Variants in SHOC1 observed in about 807,000 individuals in gnomAD.
SHOC1 encodes the protein shortage in chiasmata 1, also known as protein shortage in chiasmata 1 ortholog.
In SHOC1, 136 loss-of-function variants were observed where a neutral mutation model predicts 179.2. The observed-to-expected ratio is 0.76, with a 90% confidence interval of 0.66 to 0.87. The LOEUF is 0.87. SHOC1 is among the 40% of genes least tolerant of loss of function. SHOC1 has a pLI of 0.00. For missense variants in SHOC1, 1,538 were observed against 1,700.8 expected, an observed-to-expected ratio of 0.90 and a Z score of 1.68; for synonymous variants, 489 against 586.6, an observed-to-expected ratio of 0.83 and a Z score of 2.41.
At chr9:111,713,751 T>C (rs1012575091) in intron 17 of SHOC1, among the ~76,000 whole-genome samples, 1 of 152,186 alleles carries the variant, frequency 6.6e-6, no homozygotes, top group Non-Finnish European at 1.5e-5. Flanking sequence ...TTGATAAGAT[T>C]TTAAAAAGCA....
intron 12 of SHOC1, among the ~76,000 whole-genome samples, chr9:111,734,065 C>T (rs1833711012): frequency 6.6e-6 from 1 of 152,054 alleles, no homozygotes. Context: ...GACCGCTTGG[C>T]ATGGGTTCCA....
rs559423531 is a variant in SHOC1 at position 111,726,779 on chromosome 9, A to C, written c.1834+854T>G. On this transcript the variant is annotated intron_variant, in intron 13 of 27. Transcript: ENST00000682961. ...ACTTTGATTCCTCAACAATGTTTCT[A>C]AACAGATCAAAAATGACAATAGATG... Among the ~76,000 whole-genome samples, 18 of 152,316 alleles carry C rather than the reference A, an allele frequency of 1.2e-4. No individual in the cohort carries two copies. In the South Asian group the frequency reaches 3.5e-3, roughly 30 times the overall value.
intron 21 of SHOC1, among the ~76,000 whole-genome samples, chr9:111,705,012 A>G (rs1832182959): frequency 6.6e-6 from 1 of 152,152 alleles, no homozygotes; most frequent in South Asian, 2.1e-4. Flanking sequence ...ACCCAAAAAT[A>G]TAATATTCAA....
chr9:111,779,563 C>A (rs1324343309), intron 4 of SHOC1, among the ~76,000 whole-genome samples: 2 of 152,154 alleles, frequency 1.3e-5, no homozygotes, highest in Admixed American at 6.5e-5. Flanking sequence ...TCTTTGATTG[C>A]CCAGCCCAAG....
chr9:111,760,996 T>A (rs1000902349), intron 5 of SHOC1, among the ~76,000 whole-genome samples: 49 of 151,804 alleles, frequency 3.2e-4, no homozygotes, highest in African/African-American at 1.2e-3. Context: ...AATTATATGA[T>A]ACTGACACAA....
chr9:111,774,926 T>G (rs910980715), intron 5 of SHOC1, among the ~76,000 whole-genome samples: 1 of 152,162 alleles, frequency 6.6e-6, no homozygotes, highest in Non-Finnish European at 1.5e-5. Flanking sequence ...AGTTTTTACA[T>G]GGTTGAAAGA....
chr9:111,703,742 T>C lies in SHOC1; in HGVS notation c.2967+139A>G, dbSNP rs536106822. On this transcript the variant is annotated intron_variant, in intron 22 of 27. Transcript: ENST00000682961. ...TAATAGTCATTTTCCACAGTGACGA[T>C]TTTAGCACTTGTGGCCCATTTGCAA... 439 of 475,234 alleles carry C rather than the reference T, an allele frequency of 9.2e-4. 2 individuals are homozygous for C. The highest frequency in any genetic ancestry group is 2.3e-3 in the South Asian group (50 of 21,358). 29.4% of individuals were successfully genotyped at this position (475,234 alleles called of 1,614,324 possible). A position where few individuals can be genotyped will look rare whatever the true frequency, so the allele number is the denominator to read the frequency against.
intron 20 of SHOC1, among the ~76,000 whole-genome samples, chr9:111,706,335 A>G (rs1325458950): frequency 1.3e-5 from 2 of 152,124 alleles, no homozygotes; most frequent in Non-Finnish European, 2.9e-5. Flanking sequence ...TAAAATTTAG[A>G]AGTTAGATAA....
At chr9:111,757,114 TG>T in intron 7 of SHOC1, among the ~76,000 whole-genome samples, 1 of 152,044 alleles carries the variant, frequency 6.6e-6, no homozygotes, top group East Asian at 1.9e-4. Context: ...ATGTTTTTTG[TG>T]TTTTGTTTTT....
chr9:111,697,489 G>C (rs150721557), intron 24 of SHOC1, among the ~76,000 whole-genome samples: 3,409 of 152,148 alleles, frequency 0.022, 136 homozygotes, highest in African/African-American at 0.077. Context: ...ATGGTTTCCA[G>C]CTTCATCCAT....
At chr9:111,754,149 GAAGT>G (rs1447073599) in intron 8 of SHOC1, among the ~76,000 whole-genome samples, 2 of 152,080 alleles carry the variant, frequency 1.3e-5, no homozygotes, top group African/African-American at 4.8e-5. Flanking sequence ...TTATACACCT[GAAGT>G]ATGTACAATT....
intron 12 of SHOC1, among the ~76,000 whole-genome samples, chr9:111,737,429 G>A (rs1331049327): frequency 3.3e-5 from 5 of 152,208 alleles, no homozygotes; most frequent in African/African-American, 4.8e-5. Flanking sequence ...CATTTTGGGA[G>A]GCTGAGGCGG....
At chr9:111,705,587 A>G (rs1055550751) in intron 20 of SHOC1, among the ~76,000 whole-genome samples, 1 of 152,016 alleles carries the variant, frequency 6.6e-6, no homozygotes, top group Non-Finnish European at 1.5e-5. Context: ...ACTATACACT[A>G]AAAACAGAGT....
At chr9:111,787,407 G>T (rs1836299727) in intron 2 of SHOC1, among the ~76,000 whole-genome samples, 1 of 152,212 alleles carries the variant, frequency 6.6e-6, no homozygotes, top group Non-Finnish European at 1.5e-5. Flanking sequence ...ATGAACAGAA[G>T]TTTGAAAGAA....
chr9:111,777,017 G>T (rs1394978780), intron 4 of SHOC1, among the ~76,000 whole-genome samples: 1 of 152,118 alleles, frequency 6.6e-6, no homozygotes, highest in Non-Finnish European at 1.5e-5. Flanking sequence ...GTAAGGGCTT[G>T]GGAAGTGGGG....
chr9:111,775,584 C>G (rs78391433), intron 5 of SHOC1, among the ~76,000 whole-genome samples: 267 of 152,052 alleles, frequency 1.8e-3, no homozygotes, highest in African/African-American at 6.3e-3. Context: ...TTTTGAGGCC[C>G]AGCAAATTAA....
At position 111,791,408 on chromosome 9, in the gene SHOC1, G is replaced by T; in HGVS notation, c.11C>A (p.Ala4Glu). 6.8e-7 allele frequency: 1 copy of T among 1,474,908 alleles called. No homozygotes were observed. The highest frequency in any genetic ancestry group is 2.4e-5 in the Admixed American group (1 of 41,834). The allele number at this position is 1,474,908 out of a possible 1,614,324, so 91.4% of individuals were successfully genotyped here. The change falls in exon 2 of 28, where the codon GCA becomes GAA. Residue 4 changes from alanine (A) to glutamate (E), a missense_variant. Ala to Glu is a moderately radical substitution (Grantham distance 107). Transcript: ENST00000682961. MFS[A>E]LKYHAIDYLY... ...ATAGTCTATTGCATGATATTTCAAT[G>T]CTGAAAACATATCTTCTTTCTTTCA...
At chr9:111,787,946 G>A (rs1296806304) in intron 2 of SHOC1, among the ~76,000 whole-genome samples, 1 of 151,994 alleles carries the variant, frequency 6.6e-6, no homozygotes, top group East Asian at 1.9e-4. Context: ...CTAAAGACTC[G>A]GGTAATTATT....
At chr9:111,743,084 A>G (rs1323598441) in intron 10 of SHOC1, among the ~76,000 whole-genome samples, 1 of 152,218 alleles carries the variant, frequency 6.6e-6, no homozygotes, top group African/African-American at 2.4e-5. Context: ...ATAGAATCTT[A>G]TATGTGGTAG....
Sources: gnomAD v4.1 joint callset for allele counts (sites outside exome capture counted in the v4.1 genomes callset) on GRCh38, gnomAD v4.1.1 for gene constraint, MANE v1.5 for transcripts, NCBI Gene and HGNC (gene_info 2026-07-23, HGNC 2026-07-21) for gene names.